Variants in SPOCK3 observed in about 807,000 individuals in gnomAD.
The protein encoded by SPOCK3 is SPARC (osteonectin), cwcv and kazal like domains proteoglycan 3.
A neutral mutation model predicts 56.6 loss-of-function variants in SPOCK3; 30 were observed. The ratio of observed to expected loss-of-function variants is 0.53; its 90% CI spans 0.40 to 0.72. SPOCK3 has a LOEUF of 0.72. Ranked by LOEUF, SPOCK3 falls within the 30% of genes least tolerant of loss-of-function variation. SPOCK3 has a pLI of 0.00. For synonymous variants in SPOCK3, 196 were observed against 183.3 expected, an observed-to-expected ratio of 1.07 and a Z score of -0.56; for missense variants, 527 against 530.0, an observed-to-expected ratio of 0.99 and a Z score of 0.06.
intron 2 of SPOCK3, among the ~76,000 whole-genome samples, chr4:167,213,979 C>T (rs552073555): frequency 6.6e-6 from 1 of 152,196 alleles, no homozygotes; most frequent in South Asian, 2.1e-4. Context: ...AATTGAAACA[C>T]TATAATCCTG....
At chr4:167,108,920 A>G (rs891832223) in intron 2 of SPOCK3, among the ~76,000 whole-genome samples, 1 of 133,280 alleles carries the variant, frequency 7.5e-6, no homozygotes, top group African/African-American at 2.9e-5. Flanking sequence ...CATATACCGC[A>G]CAAATATATA....
intron 6 of SPOCK3, among the ~76,000 whole-genome samples, chr4:166,800,711 T>TA (rs1742493155): frequency 2.0e-5 from 3 of 152,252 alleles, no homozygotes; most frequent in Admixed American, 2.0e-4. Flanking sequence ...ATCAAAAAGT[T>TA]AAAAAAATTA....
intron 4 of SPOCK3, among the ~76,000 whole-genome samples, chr4:166,945,583 C>T (rs1188909698): frequency 1.3e-5 from 2 of 152,116 alleles, no homozygotes; most frequent in Non-Finnish European, 2.9e-5. Context: ...TAGCCATCAC[C>T]ACTTATTTTC....
chr4:167,028,374 AAACAAC>A (rs534517585), intron 3 of SPOCK3, among the ~76,000 whole-genome samples: 99 of 139,236 alleles, frequency 7.1e-4, no homozygotes, highest in African/African-American at 2.5e-3. Flanking sequence ...GAAACCGGTA[AAACAAC>A]AACAACAACA....
At chr4:166,948,165 T>C (rs576235922) in intron 4 of SPOCK3, among the ~76,000 whole-genome samples, 1 of 152,310 alleles carries the variant, frequency 6.6e-6, no homozygotes, top group East Asian at 1.9e-4. Context: ...GTCCTCCAGT[T>C]TCATCCCTGT....
At chr4:166,955,608 TAGATTAAATTTA>T (rs1436441177) in intron 4 of SPOCK3, among the ~76,000 whole-genome samples, 1 of 145,498 alleles carries the variant, frequency 6.9e-6, no homozygotes, top group African/African-American at 2.5e-5. Flanking sequence ...ATAATCAAAT[TAGATTAAATTTA>T]ATATAATTTA....
At chr4:166,742,080 T>C (rs1252466816) in intron 8 of SPOCK3, 21 bp from the exon 9 acceptor site, 1 of 1,579,648 alleles carries the variant, frequency 6.3e-7, no homozygotes, top group Non-Finnish European at 8.7e-7. Context: ...ATTAAAAATG[T>C]TACTTCAAGG....
At chr4:167,171,341 G>A (rs1045332286) in intron 2 of SPOCK3, among the ~76,000 whole-genome samples, 3 of 152,144 alleles carry the variant, frequency 2.0e-5, no homozygotes, top group Non-Finnish European at 2.9e-5. Flanking sequence ...TTCATCATTA[G>A]AAATTTAATA....
At chr4:166,921,612 A>C (rs1031662306) in intron 4 of SPOCK3, among the ~76,000 whole-genome samples, 2 of 152,018 alleles carry the variant, frequency 1.3e-5, no homozygotes, top group Non-Finnish European at 2.9e-5. Context: ...CACTGCACCC[A>C]GCCCGTGTTG....
chr4:166,806,979 TTATAA>T (rs1327259198), intron 6 of SPOCK3, among the ~76,000 whole-genome samples: 10 of 151,914 alleles, frequency 6.6e-5, no homozygotes, highest in African/African-American at 2.2e-4. Flanking sequence ...AATAAAATTA[TTATAA>T]TATACTCTAA....
Position 166,889,172 on chromosome 4 carries a change from G to C in SPOCK3, c.547C>G (p.Pro183Ala), listed in dbSNP as rs1188498938. Residue 183 changes from proline to alanine, a missense_variant, in exon 6 of 11, where the codon CCT becomes GCT. By Grantham distance (27) the Pro-to-Ala change is conservative (BLOSUM62 -1). Coordinates refer to ENST00000357545, the MANE Select transcript of SPOCK3 (RefSeq NM_001040159.2). ...CTTGTACTGGTGGGCTTATCTGAAG[G>C]ACATGGGCAATGTCCTTCACATTTG... ...SVKCEGHCPCPSDKPTSTSRN... is the reference protein window; with the variant it reads ...SVKCEGHCPCASDKPTSTSRN... 2 of 1,611,854 alleles carry C rather than the reference G, an allele frequency of 1.2e-6. No homozygotes were observed. The highest frequency in any genetic ancestry group is 3.3e-5 in the Admixed American group (2 of 59,832).
At chr4:166,743,144 G>C (rs999189650) in intron 8 of SPOCK3, among the ~76,000 whole-genome samples, 4 of 151,920 alleles carry the variant, frequency 2.6e-5, no homozygotes, top group Admixed American at 6.6e-5. Context: ...TTATCTGAAA[G>C]CAGTTTAGTG....
At chr4:167,173,325 T>C (rs762333911) in intron 2 of SPOCK3, among the ~76,000 whole-genome samples, 1 of 152,198 alleles carries the variant, frequency 6.6e-6, no homozygotes, top group Non-Finnish European at 1.5e-5. Context: ...TCAATATATA[T>C]GTAAATTGCC....
intron 7 of SPOCK3, among the ~76,000 whole-genome samples, chr4:166,774,909 G>A (rs1306675357): frequency 3.3e-5 from 5 of 152,082 alleles, no homozygotes; most frequent in Non-Finnish European, 5.9e-5. Flanking sequence ...TTTTGGATAT[G>A]TTAACAGTTT....
intron 5 of SPOCK3, among the ~76,000 whole-genome samples, chr4:166,902,229 G>T (rs1437366423): frequency 6.6e-6 from 1 of 151,972 alleles, no homozygotes; most frequent in Non-Finnish European, 1.5e-5. Flanking sequence ...GCTTTTTGTT[G>T]GTATAATGGT....
At chr4:166,786,552 A>G (rs564394826) in intron 7 of SPOCK3, among the ~76,000 whole-genome samples, 2 of 152,348 alleles carry the variant, frequency 1.3e-5, no homozygotes, top group East Asian at 3.9e-4. Flanking sequence ...CTTACCTATT[A>G]TAACACAACT....
At chr4:166,993,435 A>AT (rs567753774) in intron 4 of SPOCK3, among the ~76,000 whole-genome samples, 59 of 152,138 alleles carry the variant, frequency 3.9e-4, no homozygotes, top group African/African-American at 1.4e-3. Context: ...AGGGCAGCAA[A>AT]TTTTTTGAAA....
intron 2 of SPOCK3, among the ~76,000 whole-genome samples, chr4:167,166,303 T>C (rs1765756324): frequency 6.6e-6 from 1 of 152,062 alleles, no homozygotes; most frequent in Non-Finnish European, 1.5e-5. Flanking sequence ...AATTAAAACA[T>C]AACTGAATGT....
In SPOCK3 at chr4:167,030,083, T is replaced by TTCTATCTATCTATTTATCTATCTA. The variant is rs367559347; in HGVS notation, c.236-29621_236-29620insTAGATAGATAAATAGATAGATAGA. On this transcript the variant is annotated intron_variant, in intron 3 of 10. Coordinates refer to ENST00000357545, the MANE Select transcript of SPOCK3 (RefSeq NM_001040159.2). ...TTTTTAGTGTTATTTTAATGGCTCA[T>TTCTATCTATCTATTTATCTATCTA]TCTATCTATCTATCTATCTATCTAT... Among the ~76,000 whole-genome samples, 397 of 141,476 alleles carry TTCTATCTATCTATTTATCTATCTA rather than the reference T, an allele frequency of 2.8e-3. 4 individuals are homozygous for TTCTATCTATCTATTTATCTATCTA. Among genetic ancestry groups the TTCTATCTATCTATTTATCTATCTA allele is most frequent in the African/African-American group, 0.011 (375 of 35,252 alleles). The allele number at this position is 141,476 out of a possible 152,430, so 92.8% of individuals were successfully genotyped here.
Sources: gnomAD v4.1 joint callset for allele counts (sites outside exome capture counted in the v4.1 genomes callset) on GRCh38, gnomAD v4.1.1 for gene constraint, MANE v1.5 for transcripts, NCBI Gene and HGNC (gene_info 2026-07-23, HGNC 2026-07-21) for gene names.